Variants in AOPEP observed in about 807,000 individuals in gnomAD.
AOPEP encodes the protein aminopeptidase O.
Under a neutral mutation model 98.1 loss-of-function variants are expected in AOPEP, and 77 were observed. The ratio of observed to expected loss-of-function variants is 0.78; its 90% CI spans 0.65 to 0.95. The LOEUF is 0.95. AOPEP is among the 40% of genes least tolerant of loss of function. AOPEP has a pLI of 0.00. For synonymous variants in AOPEP, 346 were observed against 365.3 expected (o/e 0.95, Z 0.60); for missense variants, 1,024 against 1,024.7 (o/e 1.00, Z 0.01).
chr9:94,987,561 G>A (rs1157995348), intron 11 of AOPEP, among the ~76,000 whole-genome samples: 1 of 152,180 alleles, frequency 6.6e-6, no homozygotes, highest in Non-Finnish European at 1.5e-5. Context: ...TGGAAGGGTG[G>A]GGGCAAGAAT....
chr9:95,042,289 G>A (rs2065393311), intron 13 of AOPEP, among the ~76,000 whole-genome samples: 1 of 147,994 alleles, frequency 6.8e-6, no homozygotes, highest in Admixed American at 6.7e-5. Flanking sequence ...TCCAGCCTGG[G>A]CAACGGAGCG....
chr9:94,909,640 C>T (rs544588772), intron 5 of AOPEP, among the ~76,000 whole-genome samples: 4 of 152,274 alleles, frequency 2.6e-5, no homozygotes, highest in South Asian at 4.2e-4. Flanking sequence ...ACGTGTGTGA[C>T]GTCCATCTCA....
chr9:94,825,883 A>C (rs1854407093), intron 5 of AOPEP, among the ~76,000 whole-genome samples: 1 of 152,238 alleles, frequency 6.6e-6, no homozygotes, highest in Non-Finnish European at 1.5e-5. Context: ...CAGCCTAGGA[A>C]TAACCTTTAC....
chr9:94,947,260 C>G (rs112474628), intron 7 of AOPEP, among the ~76,000 whole-genome samples: 1 of 151,894 alleles, frequency 6.6e-6, no homozygotes, highest in African/African-American at 2.4e-5. Flanking sequence ...GGATTACAGG[C>G]GTGATCCACC....
chr9:94,970,824 C>T (rs143576853), intron 10 of AOPEP, among the ~76,000 whole-genome samples: 171 of 152,022 alleles, frequency 1.1e-3, no homozygotes, highest in African/African-American at 4.0e-3. Flanking sequence ...GTACCTACCC[C>T]GGAATAACTT....
chr9:95,106,930 C>T, the AOPEP span: 1 of 854,274 alleles, frequency 1.2e-6, no homozygotes, highest in Non-Finnish European at 1.9e-6. Context: ...CAGCTGTCAA[C>T]CTCCTTGACC....
At chr9:94,895,993 A>G (rs980385904) in intron 5 of AOPEP, among the ~76,000 whole-genome samples, 1 of 152,218 alleles carries the variant, frequency 6.6e-6, no homozygotes, top group Non-Finnish European at 1.5e-5. Context: ...AATATTTGCT[A>G]TCCTTTTATG....
At chr9:94,785,014 A>T (rs539364849) in intron 3 of AOPEP, among the ~76,000 whole-genome samples, 1 of 151,694 alleles carries the variant, frequency 6.6e-6, no homozygotes, top group African/African-American at 2.4e-5. Flanking sequence ...GCACACTGCA[A>T]ACTCCGCCTC....
At chr9:95,135,273 T>A in the AOPEP span, 1 of 1,442,684 alleles carries the variant, frequency 6.9e-7, no homozygotes, top group Middle Eastern at 2.2e-4. Flanking sequence ...CCCCCTTTCA[T>A]TCTCTGACTA....
At chr9:95,004,475 A>AG (rs1292005232) in intron 11 of AOPEP, among the ~76,000 whole-genome samples, 5 of 151,402 alleles carry the variant, frequency 3.3e-5, no homozygotes, top group Non-Finnish European at 7.4e-5. Flanking sequence ...CGGAGCCCCG[A>AG]GGGGCCACTG....
At chr9:95,071,734 C>G (rs1287838157) in intron 14 of AOPEP, among the ~76,000 whole-genome samples, 1 of 152,150 alleles carries the variant, frequency 6.6e-6, no homozygotes, top group East Asian at 1.9e-4. Context: ...CATGTCTGCT[C>G]AGGCCCTTGT....
chr9:94,902,624 A>G (rs2050560119), intron 5 of AOPEP, among the ~76,000 whole-genome samples: 1 of 152,210 alleles, frequency 6.6e-6, no homozygotes, highest in South Asian at 2.1e-4. Flanking sequence ...CAATTTAGGT[A>G]CATACATTTT....
chr9:94,751,744 C>CTT, intron 1 of AOPEP, among the ~76,000 whole-genome samples: 1 of 137,174 alleles, frequency 7.3e-6, no homozygotes, highest in African/African-American at 2.7e-5. Flanking sequence ...ATGAAAATTT[C>CTT]TTTTTTTTTT....
intron 5 of AOPEP, among the ~76,000 whole-genome samples, chr9:94,877,385 C>T (rs1287362687): frequency 6.6e-6 from 1 of 150,764 alleles, no homozygotes; most frequent in Non-Finnish European, 1.5e-5. Flanking sequence ...TGTATAGCCA[C>T]ATTTAGTAAA....
the AOPEP span, among the ~76,000 whole-genome samples, chr9:95,103,216 C>G: frequency 6.6e-6 from 1 of 151,968 alleles, no homozygotes; most frequent in African/African-American, 2.4e-5. Flanking sequence ...GCCGAGTTGT[C>G]ATTACAAATC....
rs115795725 is a variant in AOPEP at position 95,083,974 on chromosome 9, C to T, written c.*4+1255C>T. Among the ~76,000 whole-genome samples, 897 of 152,310 alleles carry T rather than the reference C, an allele frequency of 5.9e-3. 10 individuals carry two copies. The highest frequency in any genetic ancestry group is 0.02 in the African/African-American group (839 of 41,558). On this transcript the variant is annotated intron_variant, in intron 16 of 16. Coordinates refer to ENST00000375315, the MANE Select transcript of AOPEP (RefSeq NM_001193329.3). ...ATGGGTTTCTACACTATTAAAGCAA[C>T]CTAGCGGTAGTACACAAGGTTTTGT...
intron 1 of AOPEP, among the ~76,000 whole-genome samples, chr9:94,741,945 A>AT (rs1189155341): frequency 6.6e-6 from 1 of 152,214 alleles, no homozygotes; most frequent in Non-Finnish European, 1.5e-5. Flanking sequence ...GCATACTTCC[A>AT]TTTACAACTC....
the AOPEP span, chr9:95,150,222 C>G: frequency 1.2e-6 from 1 of 802,356 alleles, no homozygotes; most frequent in Non-Finnish European, 2.1e-6. Context: ...GACTCTAACA[C>G]CATCGATGAA....
chr9:94,944,553 G>A (rs1345142126), intron 7 of AOPEP, among the ~76,000 whole-genome samples: 1 of 152,120 alleles, frequency 6.6e-6, no homozygotes, highest in Non-Finnish European at 1.5e-5. Flanking sequence ...GAGACAAAAA[G>A]TAGATTTTTT....
Sources: allele counts gnomAD v4.1 joint callset (sites outside exome capture counted in the v4.1 genomes callset), GRCh38; gene constraint gnomAD v4.1.1; transcripts MANE v1.5; gene names NCBI Gene and HGNC (gene_info 2026-07-23, HGNC 2026-07-21).